KAT7: variants seen among roughly 807,000 people sequenced by gnomAD.
KAT7 encodes the protein histone acetyltransferase KAT7.
In KAT7, 10 loss-of-function variants were observed where a neutral mutation model predicts 82.1. The observed-to-expected ratio is 0.12, with a 90% CI of 0.08 to 0.21. The LOEUF (loss-of-function observed/expected upper bound fraction) is 0.21. Among genes scored for constraint, KAT7 ranks in the 10% least tolerant of loss-of-function variants. KAT7 has a pLI of 1.00. For synonymous variants in KAT7, 250 were observed against 262.5 expected (o/e 0.95, Z 0.46); for missense variants, 378 against 760.9 (o/e 0.50, Z 5.92).
chr17:49,800,973 C>T (rs1231620212), intron 4 of KAT7, among the ~76,000 whole-genome samples: 2 of 152,118 alleles, frequency 1.3e-5, no homozygotes, highest in African/African-American at 4.8e-5. Flanking sequence ...GTAAGGAGAA[C>T]AGCAAGTGCT....
rs1274124190 is a variant in KAT7 at position 49,833,827 on chromosome 17, T to G, written c.*6325T>G. 6 of 152,180 alleles carry G rather than the reference T, an allele frequency of 3.9e-5. No individual in the cohort carries two copies. The highest frequency in any genetic ancestry group is 5.9e-5 in the Non-Finnish European group (4 of 68,038). The allele number at this position is 152,180 out of a possible 1,614,324, so 9.4% of individuals were successfully genotyped here. ...GAGAATACTGTTTTAACCACACGTT[T>G]TGGAATGGTTTGATACATGGCAATG... On this transcript the variant is annotated 3_prime_UTR_variant, in exon 15 of 15. Transcript: ENST00000259021.
rs764734941 is a variant in KAT7 at position 49,823,310 on chromosome 17, T to A, written c.1480+15T>A. ...TATTGATTTCAGTAAGTGAAACTGC[T>A]AAGTCATTAGTTCCACAAGGCAGGG... On this transcript the variant is annotated intron_variant, in intron 12 of 14. Transcript: ENST00000259021. 7.3e-7 allele frequency: 1 copy of A among 1,374,618 alleles called. No individual in the cohort carries two copies. Among genetic ancestry groups the A allele is most frequent in the Non-Finnish European group, 1.0e-6 (1 of 963,016 alleles). 85.2% of individuals were successfully genotyped at this position (1,374,618 alleles called of 1,614,324 possible).
Position 49,827,433 on chromosome 17 carries a change from C to T in KAT7, c.1767C>T (p.Ala589=). ...DLIDEWIAKE[A]KRSNSNKTMD... ...TTGATGAGTGGATAGCCAAAGAGGC[C>T]AAAAGGTCCAACTCCAATAAAACCA... The change falls in exon 15 of 15, where the codon GCC becomes GCT. Residue 589 remains alanine (A), a synonymous_variant. Transcript: ENST00000259021. 1 of 1,613,480 alleles carries T rather than the reference C, an allele frequency of 6.2e-7. No individual in the cohort carries two copies. Among genetic ancestry groups the T allele is most frequent in the Non-Finnish European group, 8.5e-7 (1 of 1,179,532 alleles).
chr17:49,829,293 AT>A lies in KAT7; in HGVS notation c.*1792del, dbSNP rs1438575212. The A allele has an allele frequency of 1.3e-5, 2 of 152,206 alleles. No individual in the cohort carries two copies. Among genetic ancestry groups the A allele is most frequent in the Non-Finnish European group, 2.9e-5 (2 of 68,032 alleles). The allele number at this position is 152,206 out of a possible 1,614,324, so 9.4% of individuals were successfully genotyped here. A position where few individuals can be genotyped will look rare whatever the true frequency, so the allele number is the denominator to read the frequency against. On this transcript the variant is annotated 3_prime_UTR_variant, in exon 15 of 15. Coordinates refer to ENST00000259021, the MANE Select transcript of KAT7 (RefSeq NM_007067.5). ...GAGTGCTCACTCTGAACTTCTCTAG[AT>A]GGTGGCACAAATTTGATCTGCCTCA... is the stretch of plus-strand genomic sequence containing the variant.
chr17:49,798,340 A>G lies in KAT7; in HGVS notation c.362A>G (p.His121Arg). The G allele has an allele frequency of 1.2e-6, 2 of 1,614,196 alleles. No individual in the cohort carries two copies. The highest frequency in any genetic ancestry group is 1.7e-6 in the Non-Finnish European group (2 of 1,180,000). The stretch of plus-strand genomic sequence containing the variant: ...TTAGAAACTAAAAATACAGCTGATC[A>G]TGATGAGTCACCGCCTCGAACTCCA... ...SDRETKNTAD[H>R]DESPPRTPTG... Residue 121 changes from histidine to arginine, a missense_variant, in exon 4 of 15, where the codon CAT (histidine) becomes CGT (arginine). Coordinates refer to ENST00000259021, the MANE Select transcript of KAT7 (RefSeq NM_007067.5).
chr17:49,819,863 G>A (rs1293218809), intron 9 of KAT7, among the ~76,000 whole-genome samples: 1 of 152,216 alleles, frequency 6.6e-6, no homozygotes, highest in African/African-American at 2.4e-5. Context: ...AATTTTCTTG[G>A]ATGGATTCCA....
Position 49,821,320 on chromosome 17 carries a change from A to G in KAT7, c.1156-17A>G. 1 of 1,601,688 alleles carries G rather than the reference A, an allele frequency of 6.2e-7. No homozygotes were observed. The highest frequency in any genetic ancestry group is 8.5e-7 in the Non-Finnish European group (1 of 1,170,328). ...GGGAGGCTTTGGTTCCCTGATGTGA[A>G]TTTCATTGTCTTGCAGGCCAAATGT... is the stretch of plus-strand genomic sequence containing the variant. On this transcript the variant is annotated splice_polypyrimidine_tract_variant and intron_variant, in intron 9 of 14. Coordinates refer to ENST00000259021, the MANE Select transcript of KAT7 (RefSeq NM_007067.5).
intron 13 of KAT7, 76 bp downstream of exon 13, chr17:49,826,222 ATG>A: frequency 6.9e-7 from 1 of 1,446,022 alleles, no homozygotes; most frequent in South Asian, 1.2e-5. Context: ...TTTCCCCTGA[ATG>A]TGAGAACGGA....
chr17:49,792,123 C>G (rs980772424), intron 2 of KAT7, 90 bp downstream of exon 2: 2 of 1,327,558 alleles, frequency 1.5e-6, no homozygotes, highest in South Asian at 1.3e-5. Flanking sequence ...GAAACTGGCC[C>G]CTTGGCTTGG....
chr17:49,795,659 AAGC>A, intron 2 of KAT7: 1 of 247,280 alleles, frequency 4.0e-6, no homozygotes, highest in South Asian at 7.1e-5. Context: ...AAGAAGACCA[AAGC>A]AGCAGCACAG....
intron 14 of KAT7, chr17:49,827,075 T>C: frequency 2.3e-6 from 1 of 439,956 alleles, no homozygotes; most frequent in East Asian, 3.9e-5. Flanking sequence ...ATTTGATGTT[T>C]TTCTTAGGTG....
rs1377979400 is a variant in KAT7, at chr17:49,829,002, G to GATAA, written c.*1502_*1505dup. 1 of 152,638 alleles carries GATAA rather than the reference G, an allele frequency of 6.6e-6. No homozygotes were observed. The highest frequency in any genetic ancestry group is 1.5e-5 in the Non-Finnish European group (1 of 68,036). 9.5% of individuals were successfully genotyped at this position (152,638 alleles called of 1,614,324 possible). A position where few individuals can be genotyped will look rare whatever the true frequency, so the allele number is the denominator to read the frequency against. On this transcript the variant is annotated 3_prime_UTR_variant, in exon 15 of 15. Transcript: ENST00000259021. Reference sequence around the variant, plus strand: ...AACTTCACTAGGGGTTTTCTTAAGGGATAAAGGCCTTTTACAGAAGCTAAA... The same window carrying GATAA: ...AACTTCACTAGGGGTTTTCTTAAGGGATAAATAAAGGCCTTTTACAGAAGCTAAA...
chr17:49,791,914 C>G lies in KAT7; in HGVS notation c.44C>G (p.Thr15Ser). ...AATGCAGGCAGTAGTTCAGATGGAA[C>G]CGAAGATTCCGATTTTTCTACAGAT... ...KRNAGSSSDG[T>S]EDSDFSTDLE... The change falls in exon 2 of 15, where the codon ACC becomes AGC. Residue 15 changes from threonine to serine, a missense_variant. Transcript: ENST00000259021. 1 of 1,614,068 alleles carries G rather than the reference C, an allele frequency of 6.2e-7. No homozygotes were observed.
chr17:49,823,391 T>C, intron 12 of KAT7, 96 bp downstream of exon 12: 1 of 726,444 alleles, frequency 1.4e-6, no homozygotes, highest in Non-Finnish European at 2.4e-6. Context: ...TCCTGGAATA[T>C]AGTGAAGGTA....
In KAT7 at chr17:49,788,803, G is replaced by A. The variant is rs762261423; in HGVS notation, c.-32G>A. Reference sequence around the variant, plus strand: ...GTTCCTGCTGCTGCCGCCGCTGCCCGAATCGGAACCGTCGGGCCGCAGCCG... The same window carrying A: ...GTTCCTGCTGCTGCCGCCGCTGCCCAAATCGGAACCGTCGGGCCGCAGCCG... On this transcript the variant is annotated 5_prime_UTR_variant, in exon 1 of 15. Coordinates refer to ENST00000259021, the MANE Select transcript of KAT7 (RefSeq NM_007067.5). 6.3e-7 allele frequency: 1 copy of A among 1,578,740 alleles called. No individual in the cohort carries two copies. The highest frequency in any genetic ancestry group is 1.1e-5 in the South Asian group (1 of 87,574).
intron 10 of KAT7, 80 bp from the exon 11 acceptor site, chr17:49,821,570 A>G: frequency 6.5e-7 from 1 of 1,538,582 alleles, no homozygotes; most frequent in Non-Finnish European, 9.0e-7. Context: ...ATTAATAATT[A>G]TGGTATGTTT....
intron 4 of KAT7, among the ~76,000 whole-genome samples, chr17:49,799,377 T>TTTTG (rs199992907): frequency 5.3e-5 from 8 of 152,026 alleles, no homozygotes; most frequent in Admixed American, 1.3e-4. Flanking sequence ...CTGTAGTGTG[T>TTTTG]TTTGTTTGTT....
intron 3 of KAT7, among the ~76,000 whole-genome samples, chr17:49,797,254 G>A (rs1407867063): frequency 2.0e-5 from 3 of 151,990 alleles, no homozygotes; most frequent in Admixed American, 6.6e-5. Flanking sequence ...TAGTAGAGAC[G>A]GGGTTTCACT....
intron 6 of KAT7, 22 bp from the exon 7 acceptor site, chr17:49,811,454 G>A (rs183429171): frequency 7.9e-7 from 1 of 1,259,596 alleles, no homozygotes; most frequent in African/African-American, 1.5e-5. Context: ...TTTTCTCTCA[G>A]TTTTCTCCTT....
Sources: gnomAD v4.1 joint callset for allele counts (sites outside exome capture counted in the v4.1 genomes callset) on GRCh38, gnomAD v4.1.1 for gene constraint, MANE v1.5 for transcripts, NCBI Gene and HGNC (gene_info 2026-07-23, HGNC 2026-07-21) for gene names.